The following NDUFA10 variants were observed in gnomAD, a reference collection of about 807,000 sequenced individuals.
NDUFA10 encodes the protein NADH dehydrogenase [ubiquinone] 1 alpha subcomplex subunit 10, mitochondrial.
Under a neutral mutation model 47.8 loss-of-function variants are expected in NDUFA10, and 40 were observed. The observed-to-expected ratio is 0.84, with a 90% CI of 0.65 to 1.09. NDUFA10 has a LOEUF of 1.09. Among genes scored for constraint, NDUFA10 ranks in the 50% least tolerant of loss-of-function variants. NDUFA10 has a pLI of 0.00. For synonymous variants in NDUFA10, 183 were observed against 172.2 expected (o/e 1.06, Z -0.49); for missense variants, 413 against 451.1 (o/e 0.92, Z 0.76).
At chr2:239,931,601 C>T (rs4505564) in intron 4 of NDUFA10, among the ~76,000 whole-genome samples, 125,363 of 152,188 alleles carry the variant, frequency 0.82, 52,035 homozygotes, top group African/African-American at 0.93. Context: ...GATCTCCAAG[C>T]GCCCAAACCA....
Position 239,921,674 on chromosome 2 carries a change from T to G in NDUFA10, c.295-26360A>C, listed in dbSNP as rs557888606. 1.2e-4 allele frequency among the ~76,000 whole-genome samples: 16 copies of G among 134,448 alleles called. No homozygotes were observed. In the South Asian group the frequency reaches 3.7e-3, roughly 31 times the overall value. The allele number at this position is 134,448 out of a possible 152,430, so 88.2% of individuals were successfully genotyped here. On this transcript the variant is annotated intron_variant, in intron 4 of 5. Coordinates refer to the NDUFA10 transcript ENST00000419408. ...CCTCTTGCTACTACAGAGCACTGAT[T>G]GGCGCATTTTACAATCCCCTTGTAA...
chr2:240,008,113 T>C (rs1697015264), intron 6 of NDUFA10, among the ~76,000 whole-genome samples: 1 of 152,190 alleles, frequency 6.6e-6, no homozygotes, highest in South Asian at 2.1e-4. Context: ...AGTGCTTGTA[T>C]TTTATTAAGT....
At chr2:239,998,089 C>T (rs1440032875) in intron 8 of NDUFA10, among the ~76,000 whole-genome samples, 1 of 152,236 alleles carries the variant, frequency 6.6e-6, no homozygotes, top group East Asian at 1.9e-4. Flanking sequence ...GAAGAACCTG[C>T]ATTCAACTGT....
chr2:239,948,366 T>C (rs1694492177), intron 4 of NDUFA10, among the ~76,000 whole-genome samples: 1 of 152,164 alleles, frequency 6.6e-6, no homozygotes, highest in African/African-American at 2.4e-5. Context: ...TGCAGCTGGG[T>C]CCTGAGCCCC....
At chr2:239,908,449 C>T (rs543510633) in intron 4 of NDUFA10, among the ~76,000 whole-genome samples, 56 of 152,322 alleles carry the variant, frequency 3.7e-4, no homozygotes, top group African/African-American at 1.2e-3. Context: ...GGCCCTGCCC[C>T]TGGGCACGGT....
chr2:239,902,564 T>C (rs1033387025), intron 4 of NDUFA10, among the ~76,000 whole-genome samples: 1 of 152,214 alleles, frequency 6.6e-6, no homozygotes, highest in East Asian at 1.9e-4. Context: ...CAATATTCAC[T>C]TTGTTGCAGT....
In NDUFA10 at chr2:239,989,166, T is replaced by C. The variant is rs147331707; in HGVS notation, c.999+908A>G. Among the ~76,000 whole-genome samples the C allele has an allele frequency of 8.0e-4, 122 of 152,354 alleles. 2 individuals carry two copies. The South Asian group carries it at 0.014, about 18-fold the overall frequency. On this transcript the variant is annotated intron_variant, in intron 9 of 9. Coordinates refer to ENST00000252711, the MANE Select transcript of NDUFA10 (RefSeq NM_004544.4). ...CCTCTGAGAGATATCTTTATGGTTT[T>C]ATGTGTTTTCCCCAAATCCTCACAC...
At chr2:240,022,368 A>C in intron 1 of NDUFA10, 28 bp from the exon 2 acceptor site, 1 of 1,613,910 alleles carries the variant, frequency 6.2e-7, no homozygotes, top group South Asian at 1.1e-5. Flanking sequence ...ACACAGCAGC[A>C]CATTGTGACC....
chr2:239,981,821 T>G (rs1419825585), intron 9 of NDUFA10, among the ~76,000 whole-genome samples: 4 of 152,178 alleles, frequency 2.6e-5, no homozygotes, highest in South Asian at 2.1e-4. Context: ...AGTAATTTTA[T>G]TATTTTTAGA....
In NDUFA10 at chr2:239,960,947, T is replaced by C. The variant is rs1006060188; in HGVS notation, c.*171A>G. 7.3e-6 allele frequency: 11 copies of C among 1,511,942 alleles called. No individual in the cohort carries two copies. The South Asian group carries it at 7.4e-5, about 10-fold the overall frequency. The allele number at this position is 1,511,942 out of a possible 1,614,324, so 93.7% of individuals were successfully genotyped here. A position where few individuals can be genotyped will look rare whatever the true frequency, so the allele number is the denominator to read the frequency against. ...CAGAATGGAAGCTGCTTCCCCCAAC[T>C]CCATTACCTATACTACAGGATGGAT... On this transcript the variant is annotated 3_prime_UTR_variant, in exon 10 of 10. Coordinates refer to ENST00000252711, the MANE Select transcript of NDUFA10 (RefSeq NM_004544.4).
intron 2 of NDUFA10, among the ~76,000 whole-genome samples, chr2:240,021,918 C>G (rs1329984632): frequency 1.3e-5 from 2 of 152,322 alleles, no homozygotes; most frequent in East Asian, 3.9e-4. Context: ...ACACTGCCCA[C>G]ATAAAATTCC....
rs559480181 is a variant in NDUFA10 at position 239,980,795 on chromosome 2, C to T, written c.999+9279G>A. Among the ~76,000 whole-genome samples, 9 of 152,290 alleles carry T rather than the reference C, an allele frequency of 5.9e-5. No homozygotes were observed. The South Asian group carries it at 1.5e-3, about 25-fold the overall frequency. ...AGCTGAAGCCGCGGTGCCCTCGGGA[C>T]GCCCAAGAGCTGCAGAGAGCCACAA... On this transcript the variant is annotated intron_variant, in intron 9 of 9. Coordinates refer to ENST00000252711, the MANE Select transcript of NDUFA10 (RefSeq NM_004544.4).
chr2:239,911,781 A>C (rs1194278372), intron 4 of NDUFA10, among the ~76,000 whole-genome samples: 3 of 150,744 alleles, frequency 2.0e-5, no homozygotes, highest in Non-Finnish European at 4.4e-5. Flanking sequence ...GTGCACACAC[A>C]CACCACACAC....
At chr2:240,024,838 A>G (rs2106510364) in intron 1 of NDUFA10, among the ~76,000 whole-genome samples, 1 of 152,344 alleles carries the variant, frequency 6.6e-6, no homozygotes, top group East Asian at 1.9e-4. Context: ...TCAACATGGC[A>G]TCACCCAAGC....
chr2:239,929,740 C>T (rs1574785240), intron 4 of NDUFA10, among the ~76,000 whole-genome samples: 1 of 144,332 alleles, frequency 6.9e-6, no homozygotes, highest in Admixed American at 7.1e-5. Flanking sequence ...ACCAGCCCTG[C>T]TTCTCCACTG....
intron 3 of NDUFA10, among the ~76,000 whole-genome samples, chr2:240,020,740 C>G (rs1037256721): frequency 2.0e-5 from 3 of 152,154 alleles, no homozygotes; most frequent in African/African-American, 7.2e-5. Context: ...TCAAGATTCA[C>G]GTCTGCCTCG....
At chr2:240,025,169 ACCCCGCC>A in intron 1 of NDUFA10, 51 bp downstream of exon 1, 1 of 391,558 alleles carries the variant, frequency 2.6e-6, no homozygotes, top group Non-Finnish European at 3.7e-6. Flanking sequence ...ACTGCTCCCC[ACCCCGCC>A]ACCCCGCCAC....
chr2:240,005,109 T>G, intron 8 of NDUFA10, 101 bp downstream of exon 8: 1 of 1,069,486 alleles, frequency 9.4e-7, no homozygotes, highest in South Asian at 1.3e-5. Context: ...TTGGTGCTGC[T>G]AACACCTAAC....
chr2:239,976,847 C>T (rs1695544791), intron 9 of NDUFA10, among the ~76,000 whole-genome samples: 1 of 152,172 alleles, frequency 6.6e-6, no homozygotes, highest in Non-Finnish European at 1.5e-5. Context: ...AGTAAAAAGA[C>T]ATGATTCTCT....
Sources: allele counts gnomAD v4.1 joint callset (sites outside exome capture counted in the v4.1 genomes callset), GRCh38; gene constraint gnomAD v4.1.1; transcripts MANE v1.5; gene names NCBI Gene and HGNC (gene_info 2026-07-23, HGNC 2026-07-21).